Variants in ACOT9 observed in about 807,000 individuals in gnomAD.
ACOT9 encodes acyl-CoA thioesterase 9.
A neutral mutation model predicts 39.7 loss-of-function variants in ACOT9; 34 were observed. The ratio of observed to expected loss-of-function variants is 0.86; its 90% confidence interval spans 0.65 to 1.14. The LOEUF is 1.14. Among genes scored for constraint, ACOT9 ranks in the 50% most tolerant of loss-of-function variants. The probability of loss-of-function intolerance (pLI) is 0.00; values close to 1 mark genes in which losing one functional copy is unlikely to be tolerated. For missense variants in ACOT9, 313 were observed against 344.1 expected, an observed-to-expected ratio of 0.91 and a Z score of 0.71; for synonymous variants, 110 against 120.5, an observed-to-expected ratio of 0.91 and a Z score of 0.57.
rs1479078724 is a variant in ACOT9, at chrX:23,701,695, C to T, written c.*2199G>A. Among the ~76,000 whole-genome samples the T allele has an allele frequency of 9.0e-6, 1 of 111,213 alleles. No homozygotes were observed. Among genetic ancestry groups the T allele is most frequent in the African/African-American group, 3.3e-5 (1 of 30,681 alleles). ...CTATGTTTCCCAGGCTGGTCTCAAGCGATCCTCCCATCTCAGTCTCCCAAA... is the reference window on the plus strand; with the variant it reads ...CTATGTTTCCCAGGCTGGTCTCAAGTGATCCTCCCATCTCAGTCTCCCAAA... On this transcript the variant is annotated 3_prime_UTR_variant, in exon 16 of 16. Coordinates refer to ENST00000379303, the MANE Select transcript of ACOT9 (RefSeq NM_001037171.2).
chrX:23,722,803 C>T, intron 6 of ACOT9, 50 bp from the exon 7 acceptor site: 1 of 878,438 alleles, frequency 1.1e-6, no homozygotes, highest in Non-Finnish European at 1.6e-6. Context: ...GAATTATTTC[C>T]CAACATTTAA....
intron 8 of ACOT9, 81 bp from the exon 9 acceptor site, chrX:23,713,289 G>T: frequency 2.4e-6 from 2 of 826,827 alleles, no homozygotes; most frequent in South Asian, 2.3e-5. Context: ...CAGACGGTAT[G>T]TATGCTGGCC....
intron 8 of ACOT9, among the ~76,000 whole-genome samples, chrX:23,721,543 A>C (rs1929318990): frequency 8.9e-6 from 1 of 112,228 alleles, no homozygotes; most frequent in South Asian, 3.6e-4. Flanking sequence ...ACTGTACAGC[A>C]GTCCTGGGAA....
At chrX:23,707,727 G>A in intron 10 of ACOT9, 150 bp downstream of exon 10, 2 of 390,621 alleles carry the variant, frequency 5.1e-6, no homozygotes, top group Non-Finnish European at 8.6e-6. Flanking sequence ...GAGACAGAGA[G>A]ACTCCATTTC....
chrX:23,728,831 G>A (rs1322928578), intron 6 of ACOT9, among the ~76,000 whole-genome samples: 1 of 111,549 alleles, frequency 9.0e-6, no homozygotes, highest in Non-Finnish European at 1.9e-5. Flanking sequence ...CATAAGATGA[G>A]CCTAGAATAT....
chrX:23,709,894 G>A (rs1283474806), intron 9 of ACOT9, among the ~76,000 whole-genome samples: 1 of 112,115 alleles, frequency 8.9e-6, no homozygotes, highest in African/African-American at 3.2e-5. Context: ...AAACTCATGA[G>A]GCTCTTTTTT....
At position 23,734,331 on chromosome X, in the gene ACOT9, C is replaced by A. The variant is rs773381877; in HGVS notation, c.145+10G>T. 2.8e-5 allele frequency: 33 copies of A among 1,190,870 alleles called. No individual in the cohort carries two copies. The Admixed American group carries it at 7.6e-4, about 27-fold the overall frequency. On this transcript the variant is annotated intron_variant, in intron 3 of 15. Transcript: ENST00000379303. ...TTAAAAGAAAAGCTGATACTAATTA[C>A]CACACACACCATGATTCACATGTAT...
At chrX:23,715,008 T>C (rs938039694) in intron 8 of ACOT9, among the ~76,000 whole-genome samples, 1 of 111,258 alleles carries the variant, frequency 9.0e-6, no homozygotes, top group African/African-American at 3.3e-5. Context: ...TGAGAGTATA[T>C]TGGGTTCCCT....
chrX:23,721,112 G>C (rs1179267477), intron 8 of ACOT9, among the ~76,000 whole-genome samples: 2 of 109,928 alleles, frequency 1.8e-5, no homozygotes, highest in Admixed American at 2.0e-4. Flanking sequence ...TATTTTTTGA[G>C]ACGAGTCTCA....
At chrX:23,728,633 T>C (rs1342732340) in intron 6 of ACOT9, among the ~76,000 whole-genome samples, 2 of 111,489 alleles carry the variant, frequency 1.8e-5, no homozygotes, top group Non-Finnish European at 3.8e-5. Flanking sequence ...TATGTACGTA[T>C]ATGCACATAT....
chrX:23,735,342 C>T (rs1003676844), intron 2 of ACOT9, among the ~76,000 whole-genome samples: 10 of 105,459 alleles, frequency 9.5e-5, no homozygotes, highest in African/African-American at 3.1e-4. Flanking sequence ...TTACTACTAG[C>T]TTAATCAGTG....
intron 8 of ACOT9, among the ~76,000 whole-genome samples, chrX:23,720,057 T>A (rs777393428): frequency 9.6e-4 from 108 of 112,193 alleles, no homozygotes; most frequent in South Asian, 2.9e-3. Flanking sequence ...ATGGTCTCGA[T>A]CTCCTGACCT....
intron 15 of ACOT9, 85 bp from the exon 16 acceptor site, chrX:23,704,067 G>C (rs752270240): frequency 4.5e-5 from 35 of 773,684 alleles, no homozygotes; most frequent in Non-Finnish European, 6.2e-5. Context: ...AGACTACTTG[G>C]GAACACTGGG....
At chrX:23,725,236 C>T (rs184642242) in intron 6 of ACOT9, among the ~76,000 whole-genome samples, 18 of 109,620 alleles carry the variant, frequency 1.6e-4, no homozygotes, top group South Asian at 1.6e-3. Context: ...TTTGGGAGGC[C>T]GAGGTGGGGG....
rs987138187 is a variant in ACOT9 at position 23,734,514 on chromosome X, T to G, written c.119-147A>C. The G allele has an allele frequency of 9.2e-6, 4 of 432,852 alleles. No individual in the cohort carries two copies. The African/African-American group carries it at 1.0e-4, about 11-fold the overall frequency. 35.7% of individuals were successfully genotyped at this position (432,852 alleles called of 1,213,427 possible). ...CATTCCAGTTATAGGAAATTAACTATAGCAATCCTCAGTCCTTCAATAACT... is the reference window on the plus strand; with the variant it reads ...CATTCCAGTTATAGGAAATTAACTAGAGCAATCCTCAGTCCTTCAATAACT... On this transcript the variant is annotated intron_variant, in intron 2 of 15. Transcript: ENST00000379303.
chrX:23,741,111 A>G (rs1930129988), intron 1 of ACOT9, among the ~76,000 whole-genome samples: 1 of 109,368 alleles, frequency 9.1e-6, no homozygotes, highest in Non-Finnish European at 1.9e-5. Context: ...CCCTAAACTT[A>G]AAGTATAATA....
intron 1 of ACOT9, among the ~76,000 whole-genome samples, chrX:23,737,844 G>A (rs1929992385): frequency 9.7e-6 from 1 of 103,127 alleles, no homozygotes; most frequent in African/African-American, 3.6e-5. Context: ...TTCAATTCCT[G>A]TACTTTCGTA....
chrX:23,703,925 G>C lies in ACOT9; in HGVS notation c.1316C>G (p.Thr439Ser), dbSNP rs774584941. 2 of 1,209,208 alleles carry C rather than the reference G, an allele frequency of 1.7e-6. No homozygotes were observed. The highest frequency in any genetic ancestry group is 2.2e-6 in the Non-Finnish European group (2 of 894,983). Residue 439 changes from threonine to serine, a missense_variant, in exon 16 of 16, where the codon ACC (threonine) becomes AGC (serine). Thr to Ser is a moderately conservative substitution (Grantham distance 58, BLOSUM62 1). Transcript: ENST00000379303. ...RHFNSMSGPA[T>S]LRKDYLVEP ...CTCCACAAGGTAGTCCTTTCTCAAG[G>C]TCGCTGGGCCACTCATGGAGTTGAA...
At position 23,713,318 on chromosome X, in the gene ACOT9, C is replaced by T. The variant is rs913607459; in HGVS notation, c.589-110G>A. 12 of 585,568 alleles carry T rather than the reference C, an allele frequency of 2.0e-5. No homozygotes were observed. In the Admixed American group the frequency reaches 3.9e-4, roughly 19 times the overall value. The allele number at this position is 585,568 out of a possible 1,213,427, so 48.3% of individuals were successfully genotyped here. ...GCTGGCCAGGTGCAGTCGCTCACGC[C>T]TATAATCCCAGCACTTTGAGAGGCC... On this transcript the variant is annotated intron_variant, in intron 8 of 15. Coordinates refer to ENST00000379303, the MANE Select transcript of ACOT9 (RefSeq NM_001037171.2).
Sources: allele counts gnomAD v4.1 joint callset (sites outside exome capture counted in the v4.1 genomes callset), GRCh38; gene constraint gnomAD v4.1.1; transcripts MANE v1.5; gene names NCBI Gene and HGNC (gene_info 2026-07-23, HGNC 2026-07-21).